MADD: variants seen among roughly 807,000 people sequenced by gnomAD.
The protein encoded by MADD is MAP kinase activating death domain, also known as MAP kinase-activating death domain protein.
A neutral mutation model predicts 176.7 loss-of-function variants in MADD; 109 were observed. The observed-to-expected ratio is 0.62, with a 90% CI of 0.53 to 0.72. The LOEUF (loss-of-function observed/expected upper bound fraction) is 0.72. Ranked by LOEUF, MADD falls within the 30% of genes least tolerant of loss-of-function variation. The pLI, the probability that MADD is intolerant of heterozygous loss-of-function variation, is 0.00. For missense variants in MADD, 1,914 were observed against 2,045.5 expected (o/e 0.94, Z 1.24); for synonymous variants, 771 against 771.3 (o/e 1.00, Z 0.01).
intron 27 of MADD, among the ~76,000 whole-genome samples, chr11:47,318,706 C>G (rs959226412): frequency 6.6e-6 from 1 of 151,862 alleles, no homozygotes; most frequent in Admixed American, 6.6e-5. Flanking sequence ...GTGCCATCAC[C>G]TGGCTCCTGT....
chr11:47,296,354 T>C (rs2071824880), intron 22 of MADD, among the ~76,000 whole-genome samples: 1 of 152,204 alleles, frequency 6.6e-6, no homozygotes, highest in African/African-American at 2.4e-5. Context: ...ACAGGCAAAG[T>C]AATACCTTTG....
In MADD at chr11:47,306,827, G is replaced by A. The variant is rs575397167; in HGVS notation, c.3643-1764G>A. 1.1e-4 allele frequency among the ~76,000 whole-genome samples: 17 copies of A among 152,114 alleles called. No individual in the cohort carries two copies. In the East Asian group the frequency reaches 3.1e-3, roughly 28 times the overall value. ...GGGGGATGTGCTTTAGGGGCTGCTC[G>A]GCCATCTTGCTGACATTACTCCCCT... On this transcript the variant is annotated intron_variant, in intron 22 of 32. Coordinates refer to ENST00000402192, the Ensembl canonical transcript of MADD.
rs1475682443 is a variant in MADD, at chr11:47,310,653, C to G, written c.3978+1041C>G. ...AGGCGCGGTGGCTCATGCCTGTAAT[C>G]CAAGCACTTTGGGAGAACAGGGCGG... is the stretch of plus-strand genomic sequence containing the variant. On this transcript the variant is annotated intron_variant, in intron 25 of 32. Transcript: ENST00000402192. Among the ~76,000 whole-genome samples, 3 of 151,948 alleles carry G rather than the reference C, an allele frequency of 2.0e-5. No homozygotes were observed. In the East Asian group the frequency reaches 5.8e-4, roughly 29 times the overall value.
chr11:47,318,576 A>T (rs1005627281), intron 27 of MADD, among the ~76,000 whole-genome samples: 5 of 152,034 alleles, frequency 3.3e-5, no homozygotes, highest in African/African-American at 1.2e-4. Flanking sequence ...TCTTACTCTC[A>T]CCACCGTACA....
exon 17 of MADD, chr11:47,290,006 A>G (rs1317694442): frequency 1.2e-6 from 2 of 1,614,178 alleles, no homozygotes; most frequent in East Asian, 4.5e-5. Context: ...GCTGAACCGC[A>G]TGGTGCAGTC....
exon 24 of MADD, chr11:47,309,397 G>C (rs754363453): frequency 6.2e-7 from 1 of 1,614,148 alleles, no homozygotes; most frequent in Admixed American, 1.7e-5. Flanking sequence ...GGAAATGATC[G>C]ACAGGTATGG....
intron 22 of MADD, among the ~76,000 whole-genome samples, chr11:47,296,764 GTT>G (rs753454831): frequency 7.7e-5 from 9 of 116,912 alleles, no homozygotes; most frequent in Admixed American, 2.7e-4. Flanking sequence ...GTTTTTTGTT[GTT>G]TTTTTTTTTT....
At chr11:47,278,836 G>A (rs2053242550) in intron 6 of MADD, among the ~76,000 whole-genome samples, 163 bp from the exon 7 acceptor site, 1 of 152,150 alleles carries the variant, frequency 6.6e-6, no homozygotes, top group African/African-American at 2.4e-5. Context: ...AGATGCATAT[G>A]TATGTCATAT....
chr11:47,301,029 T>C (rs1393808774), intron 22 of MADD, among the ~76,000 whole-genome samples: 1 of 140,568 alleles, frequency 7.1e-6, no homozygotes, highest in East Asian at 2.0e-4. Flanking sequence ...ACTCTCTCTC[T>C]TTTTTTTTTT....
chr11:47,270,533 A>G (rs1403026068), intron 1 of MADD: 1 of 98,812 alleles, frequency 1.0e-5, no homozygotes, highest in East Asian at 2.7e-4. Context: ...ACTGTCCAGC[A>G]GGTGAGGGGG....
intron 27 of MADD, among the ~76,000 whole-genome samples, chr11:47,320,360 G>A (rs1282067571): frequency 6.6e-6 from 1 of 151,912 alleles, no homozygotes; most frequent in Non-Finnish European, 1.5e-5. Context: ...GGAGGCTGAG[G>A]CAGAGAATTG....
intron 31 of MADD, 81 bp from the exon 36 acceptor site, chr11:47,328,577 G>C: frequency 6.3e-7 from 1 of 1,597,978 alleles, no homozygotes; most frequent in Non-Finnish European, 8.5e-7. Flanking sequence ...CCTGACGCCG[G>C]GCGCTGCCGC....
chr11:47,311,126 G>A (rs1565504707), intron 25 of MADD, among the ~76,000 whole-genome samples: 1 of 152,156 alleles, frequency 6.6e-6, no homozygotes, highest in Non-Finnish European at 1.5e-5. Context: ...GGAGTTGATG[G>A]GTAGAAGAGA....
intron 22 of MADD, among the ~76,000 whole-genome samples, chr11:47,303,676 G>A (rs2079985590): frequency 6.8e-6 from 1 of 147,772 alleles, no homozygotes; most frequent in Non-Finnish European, 1.5e-5. Flanking sequence ...TGTGATCTCA[G>A]CTCACTGCAA....
rs1451992658 is a variant in MADD at position 47,276,188 on chromosome 11, C to G, written c.949C>G (p.Leu317Val). ...CTGTCTCCAGGTGCTAACCTGCATT[C>G]TGTTAGAGCACAAGGTGAGAGGCAA... Residue 317 changes from leucine (L) to valine (V), a missense_variant, in exon 4 of 33, where the codon CTG (leucine) becomes GTG (valine). Physicochemically the swap from Leu to Val is conservative, Grantham distance 32 (BLOSUM62 1). Around this residue, in one of 2 missense-constraint regions of MADD, gnomAD observed 1,767 missense variants for 1,836.0 expected, o/e 0.96. Transcript: ENST00000402192. 3 of 1,608,260 alleles carry G rather than the reference C, an allele frequency of 1.9e-6. No individual in the cohort carries two copies. In the Admixed American group the frequency reaches 5.0e-5, roughly 27 times the overall value.
intron 27 of MADD, among the ~76,000 whole-genome samples, 167 bp from the exon 31 acceptor site, chr11:47,323,497 TAGCAGGC>T (rs1349239756): frequency 6.6e-6 from 1 of 152,202 alleles, no homozygotes; most frequent in African/African-American, 2.4e-5. Flanking sequence ...ACAATCCTTG[TAGCAGGC>T]AGCATGTCAG....
chr11:47,329,043 T>C lies in MADD; in HGVS notation c.4660-3T>C. 3 of 1,611,780 alleles carry C rather than the reference T, an allele frequency of 1.9e-6. No individual in the cohort carries two copies. The highest frequency in any genetic ancestry group is 2.5e-6 in the Non-Finnish European group (3 of 1,177,814). On this transcript the variant is annotated splice_region_variant and splice_polypyrimidine_tract_variant and intron_variant, in intron 32 of 32. Transcript: ENST00000402192. ...GTGATCCGCCTGGTTTTCTCTCCTCTAGGCCCACGAAATCTGCTACTCCGT... is the reference window on the plus strand; with the variant it reads ...GTGATCCGCCTGGTTTTCTCTCCTCCAGGCCCACGAAATCTGCTACTCCGT...
At chr11:47,318,571 C>T (rs577831832) in intron 27 of MADD, among the ~76,000 whole-genome samples, 12 of 152,158 alleles carry the variant, frequency 7.9e-5, no homozygotes, top group Non-Finnish European at 1.6e-4. Flanking sequence ...ACTACTCTTA[C>T]TCTCACCACC....
chr11:47,280,568 T>A (rs111909652), intron 7 of MADD, among the ~76,000 whole-genome samples: 1 of 151,878 alleles, frequency 6.6e-6, no homozygotes, highest in African/African-American at 2.4e-5. Context: ...ATTAATTAAT[T>A]TATTTATTTA....
Sources: allele counts gnomAD v4.1 joint callset (sites outside exome capture counted in the v4.1 genomes callset), GRCh38; gene constraint gnomAD v4.1.1; regional missense constraint gnomAD v4.1.1; transcripts MANE v1.5; gene names NCBI Gene and HGNC (gene_info 2026-07-23, HGNC 2026-07-21).